CACHD1: variants seen among roughly 807,000 people sequenced by gnomAD.
The protein encoded by CACHD1 is cache domain containing 1, also known as VWFA and cache domain-containing protein 1.
In CACHD1, 71 loss-of-function variants were observed where a neutral mutation model predicts 138.7. The ratio of observed to expected loss-of-function variants is 0.51; its 90% CI spans 0.42 to 0.62. The LOEUF is 0.62. CACHD1 is among the 20% of genes least tolerant of loss of function. CACHD1 has a pLI of 0.00. For missense variants in CACHD1, 1,389 were observed against 1,625.3 expected (o/e 0.85, Z 2.50); for synonymous variants, 578 against 591.5 (o/e 0.98, Z 0.33).
chr1:64,578,554 G>A (rs1646987318), intron 2 of CACHD1, among the ~76,000 whole-genome samples: 1 of 152,202 alleles, frequency 6.6e-6, no homozygotes, highest in Non-Finnish European at 1.5e-5. Flanking sequence ...CTGTGGGTCA[G>A]GATTTTGACC....
chr1:64,510,357 C>T (rs1232007965), intron 1 of CACHD1, among the ~76,000 whole-genome samples: 3 of 152,082 alleles, frequency 2.0e-5, no homozygotes, highest in East Asian at 3.9e-4. Flanking sequence ...TCTCTCCTGC[C>T]GTGGCAGCTG....
chr1:64,532,860 G>A (rs1031665852), intron 1 of CACHD1, among the ~76,000 whole-genome samples: 2 of 151,960 alleles, frequency 1.3e-5, no homozygotes, highest in African/African-American at 2.4e-5. Flanking sequence ...AGCTTGTAAC[G>A]AGGAGGAGGA....
chr1:64,542,414 G>A (rs984126268), intron 1 of CACHD1, among the ~76,000 whole-genome samples: 32 of 151,946 alleles, frequency 2.1e-4, no homozygotes, highest in African/African-American at 2.4e-5. Flanking sequence ...CTGGTTTCTC[G>A]CAAGTCACTG....
chr1:64,568,713 G>A (rs1646902776), intron 2 of CACHD1, among the ~76,000 whole-genome samples: 1 of 152,098 alleles, frequency 6.6e-6, no homozygotes. Flanking sequence ...GGTATGTATA[G>A]TACATTAGTC....
intron 4 of CACHD1, among the ~76,000 whole-genome samples, chr1:64,621,532 C>A (rs953785236): frequency 1.3e-5 from 2 of 152,046 alleles, no homozygotes; most frequent in East Asian, 3.9e-4. Context: ...ATACACAGGA[C>A]GTTACCAGTT....
chr1:64,605,326 A>C (rs1477251728), intron 4 of CACHD1, among the ~76,000 whole-genome samples: 6 of 152,164 alleles, frequency 3.9e-5, no homozygotes, highest in Admixed American at 2.6e-4. Context: ...TGTGTATTTA[A>C]ATAAGATCTA....
rs139757472 is a variant in CACHD1, at chr1:64,534,515, C to A, written c.199-16079C>A. Among the ~76,000 whole-genome samples the A allele has an allele frequency of 2.9e-3, 439 of 152,308 alleles. 1 individual carries two copies. The highest frequency in any genetic ancestry group is 5.2e-3 in the Non-Finnish European group (355 of 68,014). On this transcript the variant is annotated intron_variant, in intron 1 of 26. Coordinates refer to ENST00000651257, the MANE Select transcript of CACHD1 (RefSeq NM_020925.4). ...CTGCACATCAGGCCTTAATAATATT[C>A]CCTGTTGAATGCTGAGCCTGAGGCT...
chr1:64,605,520 A>G (rs1165138978), intron 4 of CACHD1, among the ~76,000 whole-genome samples: 2 of 152,192 alleles, frequency 1.3e-5, no homozygotes, highest in East Asian at 1.9e-4. Flanking sequence ...TCTAGTAGAC[A>G]GTACCTTCCT....
intron 1 of CACHD1, among the ~76,000 whole-genome samples, chr1:64,494,793 A>C (rs1376585871): frequency 6.6e-6 from 1 of 152,224 alleles, no homozygotes; most frequent in Non-Finnish European, 1.5e-5. Context: ...CATTATGCTA[A>C]GGGTTAGAGT....
chr1:64,621,991 C>A (rs182525723), intron 4 of CACHD1, among the ~76,000 whole-genome samples: 4 of 152,286 alleles, frequency 2.6e-5, no homozygotes, highest in African/African-American at 9.6e-5. Flanking sequence ...GGGACTTGAA[C>A]CTGTGGCTTT....
chr1:64,509,692 T>C (rs1327979377), intron 1 of CACHD1, among the ~76,000 whole-genome samples: 3 of 152,180 alleles, frequency 2.0e-5, no homozygotes. Context: ...AAATGCAAAA[T>C]TAAGACTGTG....
chr1:64,557,865 C>T (rs995341990), intron 2 of CACHD1, among the ~76,000 whole-genome samples: 2 of 152,114 alleles, frequency 1.3e-5, no homozygotes, highest in Non-Finnish European at 2.9e-5. Context: ...ATGCAGCGAT[C>T]TCGGCTAACT....
chr1:64,632,255 T>TG (rs1389494213), intron 5 of CACHD1, among the ~76,000 whole-genome samples: 2 of 32,670 alleles, frequency 6.1e-5, no homozygotes, highest in South Asian at 2.7e-3. Context: ...TGCTTTTTTC[T>TG]GAAAAAAAAA....
At chr1:64,628,280 T>TC (rs1352683027) in intron 4 of CACHD1, among the ~76,000 whole-genome samples, 3 of 152,156 alleles carry the variant, frequency 2.0e-5, no homozygotes, top group African/African-American at 4.8e-5. Flanking sequence ...CTCGGAATCT[T>TC]CCCCCCACTG....
At chr1:64,643,583 T>C (rs962561943) in intron 8 of CACHD1, among the ~76,000 whole-genome samples, 3 of 152,284 alleles carry the variant, frequency 2.0e-5, no homozygotes, top group Middle Eastern at 3.4e-3. Context: ...ATGCCTGTAA[T>C]CCCAGCACTT....
chr1:64,636,011 T>G (rs57606177), intron 7 of CACHD1, among the ~76,000 whole-genome samples: 29,681 of 151,362 alleles, frequency 0.2, 3,816 homozygotes, highest in African/African-American at 0.35. Context: ...CTCAGGAGGC[T>G]GAGGCAGGAG....
At chr1:64,622,921 A>G (rs1647968062) in intron 4 of CACHD1, among the ~76,000 whole-genome samples, 1 of 152,192 alleles carries the variant, frequency 6.6e-6, no homozygotes, top group African/African-American at 2.4e-5. Flanking sequence ...TTGGACATGT[A>G]TAGACCCATG....
chr1:64,572,038 G>A (rs1646930850), intron 2 of CACHD1, among the ~76,000 whole-genome samples: 1 of 152,188 alleles, frequency 6.6e-6, no homozygotes, highest in Admixed American at 6.5e-5. Context: ...GGAAGTGACT[G>A]GGTTTGCTTT....
rs576734282 is a variant in CACHD1 at position 64,486,655 on chromosome 1, A to AT, written c.198+15718dup. Among the ~76,000 whole-genome samples the AT allele has an allele frequency of 3.3e-5, 5 of 152,164 alleles. No homozygotes were observed. In the South Asian group the frequency reaches 1.0e-3, roughly 32 times the overall value. On this transcript the variant is annotated intron_variant, in intron 1 of 26. Transcript: ENST00000651257. Reference sequence around the variant, plus strand: ...AGCTAAAAACAAAGCATTATTTAGGATTTTTGGGTCAATGTGGCCTGTGTA... The same window carrying AT: ...AGCTAAAAACAAAGCATTATTTAGGATTTTTTGGGTCAATGTGGCCTGTGTA...
Sources: allele counts gnomAD v4.1 joint callset (sites outside exome capture counted in the v4.1 genomes callset), GRCh38; gene constraint gnomAD v4.1.1; transcripts MANE v1.5; gene names NCBI Gene and HGNC (gene_info 2026-07-23, HGNC 2026-07-21).